DOCK7: variants seen among roughly 807,000 people sequenced by gnomAD.
The protein encoded by DOCK7 is dedicator of cytokinesis protein 7.
Under a neutral mutation model 271.0 loss-of-function variants are expected in DOCK7, and 138 were observed. That is an observed-to-expected ratio of 0.51 (90% CI 0.44 to 0.59). DOCK7 has a LOEUF of 0.59. Among genes scored for constraint, DOCK7 ranks in the 20% least tolerant of loss-of-function variants. DOCK7 has a pLI of 0.00. For synonymous variants in DOCK7, 823 were observed against 876.1 expected (o/e 0.94, Z 1.07); for missense variants, 2,066 against 2,592.4 (o/e 0.80, Z 4.41).
At chr1:62,617,391 A>G (rs1364934657) in intron 14 of DOCK7, among the ~76,000 whole-genome samples, 1 of 152,020 alleles carries the variant, frequency 6.6e-6, no homozygotes, top group East Asian at 1.9e-4. Context: ...GATTTGATTT[A>G]CAATTTTCAA....
chr1:62,584,902 A>G (rs767299524), intron 15 of DOCK7: 26 of 706,504 alleles, frequency 3.7e-5, no homozygotes, highest in South Asian at 9.2e-5. Context: ...CACATATATG[A>G]TAAGACAAGG....
chr1:62,485,080 G>A (rs1646254452), intron 43 of DOCK7: 17 of 893,882 alleles, frequency 1.9e-5, no homozygotes, highest in Non-Finnish European at 2.3e-5. Context: ...AGGCTGCAGT[G>A]AGCTGTGATC....
chr1:62,620,894 A>AG (rs1325071591), intron 12 of DOCK7, among the ~76,000 whole-genome samples: 1 of 150,634 alleles, frequency 6.6e-6, no homozygotes, highest in East Asian at 1.9e-4. Context: ...AAAAAAAAAA[A>AG]AAAAAAAAAA....
chr1:62,463,489 T>C (rs1346045175), intron 48 of DOCK7, among the ~76,000 whole-genome samples: 2 of 152,294 alleles, frequency 1.3e-5, no homozygotes, highest in Non-Finnish European at 1.5e-5. Flanking sequence ...TGTACATGTA[T>C]GTCCAGAAAT....
intron 2 of DOCK7, among the ~76,000 whole-genome samples, chr1:62,658,960 G>GA (rs200716285): frequency 0.011 from 813 of 71,128 alleles, 2 homozygotes; most frequent in African/African-American, 0.023. Flanking sequence ...TCTCAAAAGA[G>GA]AAAAAAAAAA....
chr1:62,455,396 A>G lies in DOCK7; in HGVS notation c.*18T>C. On this transcript the variant is annotated 3_prime_UTR_variant, in exon 50 of 50. Transcript: ENST00000635253. ...AATACATGGCTCTTTGCAGATGAAT[A>G]AAACAAGTGCATTCAGTTTAGAGAT... 1 of 1,612,806 alleles carries G rather than the reference A, an allele frequency of 6.2e-7. No individual in the cohort carries two copies. Among genetic ancestry groups the G allele is most frequent in the Non-Finnish European group, 8.5e-7 (1 of 1,179,102 alleles).
intron 7 of DOCK7, among the ~76,000 whole-genome samples, chr1:62,645,799 G>T (rs868022065): frequency 1.3e-5 from 2 of 152,028 alleles, no homozygotes; most frequent in Non-Finnish European, 1.5e-5. Flanking sequence ...CTGATAAATG[G>T]ATTAACAAAA....
chr1:62,657,390 A>C (rs774453911), intron 2 of DOCK7, among the ~76,000 whole-genome samples: 18 of 152,214 alleles, frequency 1.2e-4, no homozygotes, highest in Non-Finnish European at 2.5e-4. Context: ...GGCCAAAACA[A>C]GATAGCATCC....
At chr1:62,573,985 AT>A (rs1418234011) in intron 18 of DOCK7, among the ~76,000 whole-genome samples, 1 of 152,178 alleles carries the variant, frequency 6.6e-6, no homozygotes, top group Non-Finnish European at 1.5e-5. Flanking sequence ...GAAGAAGAGT[AT>A]GGAAAAGGGG....
chr1:62,620,128 T>G (rs1283348500), intron 12 of DOCK7, 135 bp from the exon 13 acceptor site: 2 of 501,678 alleles, frequency 4.0e-6, no homozygotes, highest in East Asian at 7.6e-5. Flanking sequence ...GAAACCAGCC[T>G]GGCCAACATG....
chr1:62,595,475 T>C (rs1162146370), intron 14 of DOCK7, among the ~76,000 whole-genome samples: 1 of 152,188 alleles, frequency 6.6e-6, no homozygotes, highest in Admixed American at 6.5e-5. Flanking sequence ...CTGAAGAATA[T>C]GAAATCCGGG....
At chr1:62,510,821 C>G (rs993162092) in intron 33 of DOCK7, 148 bp from the exon 34 acceptor site, 3 of 522,210 alleles carry the variant, frequency 5.7e-6, no homozygotes, top group Admixed American at 7.4e-5. Context: ...GACAATGGTG[C>G]TTTTTATTAA....
chr1:62,618,871 G>A lies in DOCK7; in HGVS notation c.1520-3C>T, dbSNP rs1342834083. The A allele has an allele frequency of 2.5e-6, 4 of 1,610,428 alleles. No homozygotes were observed. Among genetic ancestry groups the A allele is most frequent in the Non-Finnish European group, 3.4e-6 (4 of 1,177,994 alleles). ...AGAAATGTCTATCTTGAGCTGAGCT[G>A]CAAATTATATATTAAAAAACAATGT... On this transcript the variant is annotated splice_region_variant and splice_polypyrimidine_tract_variant and intron_variant, in intron 13 of 49. Transcript: ENST00000635253.
intron 2 of DOCK7, 119 bp downstream of exon 2, chr1:62,662,905 TA>T: frequency 1.5e-6 from 1 of 649,598 alleles, no homozygotes. Flanking sequence ...CAAAATGAGG[TA>T]ACAAGTAAGG....
At chr1:62,569,316 G>A (rs1308930058) in intron 18 of DOCK7, among the ~76,000 whole-genome samples, 1 of 152,044 alleles carries the variant, frequency 6.6e-6, no homozygotes, top group Non-Finnish European at 1.5e-5. Flanking sequence ...TATCCCTAAT[G>A]AACATCAATG....
intron 31 of DOCK7, among the ~76,000 whole-genome samples, chr1:62,518,446 C>T (rs1042389872): frequency 7.2e-5 from 11 of 152,118 alleles, no homozygotes; most frequent in South Asian, 6.2e-4. Context: ...TGGTGGCGGG[C>T]GCCTGTAGTC....
At chr1:62,684,998 C>G (rs1490428612) in intron 1 of DOCK7, among the ~76,000 whole-genome samples, 1 of 152,142 alleles carries the variant, frequency 6.6e-6, no homozygotes, top group Non-Finnish European at 1.5e-5. Context: ...AGGTTTCAAA[C>G]AGCAACAGGC....
At chr1:62,616,921 A>G (rs1474613992) in intron 14 of DOCK7, among the ~76,000 whole-genome samples, 1 of 151,758 alleles carries the variant, frequency 6.6e-6, no homozygotes, top group Non-Finnish European at 1.5e-5. Context: ...AGAAAATGAT[A>G]TAGAATTTAG....
intron 1 of DOCK7, among the ~76,000 whole-genome samples, chr1:62,686,157 CT>C (rs1161312915): frequency 0.011 from 46 of 4,208 alleles, 18 homozygotes; most frequent in Admixed American, 0.015. Context: ...CAAGTAATAA[CT>C]TTTTTTTTTT....
Sources: gnomAD v4.1 joint callset for allele counts (sites outside exome capture counted in the v4.1 genomes callset) on GRCh38, gnomAD v4.1.1 for gene constraint, MANE v1.5 for transcripts, NCBI Gene and HGNC (gene_info 2026-07-23, HGNC 2026-07-21) for gene names.